The following CEP250 variants were observed in gnomAD, a reference collection of about 807,000 sequenced individuals.
CEP250 encodes centrosomal protein 250, also known as centrosome-associated protein CEP250.
In CEP250, 242 loss-of-function variants were observed where a neutral mutation model predicts 315.7. That is an observed-to-expected ratio of 0.77 (90% CI 0.69 to 0.85). The LOEUF is 0.85. Ranked by LOEUF, CEP250 falls within the 40% of genes least tolerant of loss-of-function variation. CEP250 has a pLI of 0.00. For missense variants in CEP250, 2,515 were observed against 2,886.4 expected, an observed-to-expected ratio of 0.87 and a Z score of 2.95; for synonymous variants, 1,088 against 1,175.0, an observed-to-expected ratio of 0.93 and a Z score of 1.51.
At chr20:35,505,677 G>A (rs549414128) in intron 30 of CEP250, among the ~76,000 whole-genome samples, 4 of 148,806 alleles carry the variant, frequency 2.7e-5, no homozygotes, top group East Asian at 2.0e-4. Context: ...AAAAATAGAC[G>A]TGAAGGGACC....
At position 35,479,404 on chromosome 20, in the gene CEP250, T is replaced by C. The variant is rs150588824; in HGVS notation, c.2268T>C (p.Ala756=). The change falls in exon 18 of 35, where the codon GCT becomes GCC. Residue 756 remains alanine (A), a synonymous_variant. Transcript: ENST00000397527. Reference sequence around the variant, plus strand: ...TGGAGCGTGACCGGCAGGACCTCGCTGAACAACTACAGGGGCTCAGGTAGG... The same window carrying C: ...TGGAGCGTGACCGGCAGGACCTCGCCGAACAACTACAGGGGCTCAGGTAGG... ...QAVERDRQDL[A]EQLQGLSSAK... The C allele has an allele frequency of 6.2e-7, 1 of 1,613,910 alleles. No homozygotes were observed. The highest frequency in any genetic ancestry group is 1.1e-5 in the South Asian group (1 of 91,066).
rs374197477 is a variant in CEP250 at position 35,465,732 on chromosome 20, G to C, written c.244-11G>C. Reference sequence around the variant, plus strand: ...TTGGAGGTAAGTAAGGCTTGTCTCTGTCTGGCGCAGGGACCAATCCCCCAG... The same window carrying C: ...TTGGAGGTAAGTAAGGCTTGTCTCTCTCTGGCGCAGGGACCAATCCCCCAG... On this transcript the variant is annotated splice_polypyrimidine_tract_variant and intron_variant, in intron 5 of 34. Transcript: ENST00000397527. 1.3e-6 allele frequency: 2 copies of C among 1,583,448 alleles called. No individual in the cohort carries two copies. Among genetic ancestry groups the C allele is most frequent in the Non-Finnish European group, 1.7e-6 (2 of 1,165,580 alleles).
chr20:35,508,547 T>C lies in CEP250; in HGVS notation c.6906+357T>C, dbSNP rs564050017. ...CCAGGCTGGTCTTGAACTCCTGACC[T>C]TGTGATCCGCCTGCCTCAGCTTTCC... On this transcript the variant is annotated intron_variant, in intron 32 of 34. Transcript: ENST00000397527. Among the ~76,000 whole-genome samples the C allele has an allele frequency of 3.3e-4, 50 of 152,258 alleles. 1 individual carries two copies. The highest frequency in any genetic ancestry group is 1.2e-3 in the African/African-American group (49 of 41,552).
Sources: allele counts gnomAD v4.1 joint callset (sites outside exome capture counted in the v4.1 genomes callset), GRCh38; gene constraint gnomAD v4.1.1; transcripts MANE v1.5; gene names NCBI Gene and HGNC (gene_info 2026-07-23, HGNC 2026-07-21).